Variants in RTN1 observed in about 807,000 individuals in gnomAD.
RTN1 encodes the protein reticulon-1.
In RTN1, 25 loss-of-function variants were observed where a neutral mutation model predicts 65.5. That is an observed-to-expected ratio of 0.38 (90% confidence interval 0.28 to 0.53). RTN1 has a LOEUF of 0.53. Ranked by LOEUF, RTN1 falls within the 20% of genes least tolerant of loss-of-function variation. RTN1 has a pLI of 0.79. For missense variants in RTN1, 983 were observed against 1,025.4 expected (o/e 0.96, Z 0.57); for synonymous variants, 471 against 447.6 (o/e 1.05, Z -0.66).
intron 1 of RTN1, among the ~76,000 whole-genome samples, chr14:59,761,690 C>G (rs8007076): frequency 0.46 from 70,270 of 152,026 alleles, 18,107 homozygotes; most frequent in African/African-American, 0.7. Flanking sequence ...TCAACAGAAT[C>G]TGTTTTATTA....
At chr14:59,656,331 T>C (rs1276202268) in intron 3 of RTN1, among the ~76,000 whole-genome samples, 1 of 152,192 alleles carries the variant, frequency 6.6e-6, no homozygotes, top group Admixed American at 6.5e-5. Flanking sequence ...ACTGAACTTT[T>C]AAAAGGGTAT....
At chr14:59,688,022 A>C (rs977020748) in intron 3 of RTN1, among the ~76,000 whole-genome samples, 1 of 152,038 alleles carries the variant, frequency 6.6e-6, no homozygotes, top group African/African-American at 2.4e-5. Flanking sequence ...TCTATGCCCA[A>C]GCAGATATCC....
chr14:59,738,071 T>C (rs1313723007), intron 2 of RTN1, among the ~76,000 whole-genome samples: 3 of 152,154 alleles, frequency 2.0e-5, no homozygotes, highest in Admixed American at 1.3e-4. Flanking sequence ...GAAGAAAATC[T>C]AGGCAATACC....
intron 3 of RTN1, among the ~76,000 whole-genome samples, chr14:59,671,112 T>C (rs146311943): frequency 1.4e-4 from 21 of 152,216 alleles, no homozygotes; most frequent in African/African-American, 3.9e-4. Context: ...GAAGTGTACA[T>C]AGGGAGGAGG....
Position 59,746,320 on chromosome 14 carries a change from T to C in RTN1, c.403A>G (p.Thr135Ala). ...AGCTCCTCAGGGCTCTCTGAAATGG[T>C]GACGTGGCCATTTTCCTTCTGAAGA... ...GILQKENGHV[T>A]ISESPEELGT... Residue 135 changes from threonine to alanine, a missense_variant, in exon 2 of 9, where the codon ACC (threonine) becomes GCC (alanine). By Grantham distance (58) the Thr-to-Ala change is moderately conservative. Coordinates refer to ENST00000267484, the MANE Select transcript of RTN1 (RefSeq NM_021136.3). 6.2e-7 allele frequency: 1 copy of C among 1,614,198 alleles called. No individual in the cohort carries two copies. Among genetic ancestry groups the C allele is most frequent in the Non-Finnish European group, 8.5e-7 (1 of 1,180,026 alleles).
intron 1 of RTN1, among the ~76,000 whole-genome samples, chr14:59,809,582 T>C (rs185564391): frequency 4.1e-4 from 63 of 152,236 alleles, no homozygotes; most frequent in Admixed American, 3.9e-3. Context: ...TAAAGGTAAA[T>C]AGAAGGCTAA....
chr14:59,800,787 A>T (rs1886531083), intron 1 of RTN1, among the ~76,000 whole-genome samples: 1 of 152,208 alleles, frequency 6.6e-6, no homozygotes, highest in South Asian at 2.1e-4. Context: ...GGTGACACAG[A>T]TGTCAGAAAT....
Position 59,816,017 on chromosome 14 carries a change from A to C in RTN1, c.241+54373T>G, listed in dbSNP as rs1286438319. On this transcript the variant is annotated intron_variant, in intron 1 of 8. Coordinates refer to ENST00000267484, the MANE Select transcript of RTN1 (RefSeq NM_021136.3). The surrounding 1 kb of genome is among the most constrained non-coding windows in gnomAD (Gnocchi z 4.3). Reference sequence around the variant, plus strand: ...CACCTGCTCTTCGTCCAAGATATGAAGTGCCTTCATGCAGCCTTCCTGGAT... The same window carrying C: ...CACCTGCTCTTCGTCCAAGATATGACGTGCCTTCATGCAGCCTTCCTGGAT... 6.6e-6 allele frequency among the ~76,000 whole-genome samples: 1 copy of C among 152,170 alleles called. No homozygotes were observed. Among genetic ancestry groups the C allele is most frequent in the Non-Finnish European group, 1.5e-5 (1 of 68,026 alleles).
intron 1 of RTN1, among the ~76,000 whole-genome samples, chr14:59,861,373 C>CCT (rs778289618): frequency 8.5e-5 from 13 of 152,184 alleles, no homozygotes; most frequent in Admixed American, 1.3e-4. Context: ...GATTGTGAGG[C>CCT]CTCTCCAACC....
chr14:59,629,745 T>C lies in RTN1; in HGVS notation c.1766-22253A>G, dbSNP rs1882492793. ...AGCCACACCCAGTGCTAATATGGAC[T>C]ATTCCAAAATAAATCTGTTATACCA... On this transcript the variant is annotated intron_variant, in intron 3 of 8. Transcript: ENST00000267484. 2.0e-5 allele frequency among the ~76,000 whole-genome samples: 3 copies of C among 152,204 alleles called. 1 individual carries two copies. The South Asian group carries it at 6.2e-4, about 32-fold the overall frequency.
chr14:59,750,455 A>G (rs1350133955), intron 1 of RTN1, among the ~76,000 whole-genome samples: 1 of 59,266 alleles, frequency 1.7e-5, no homozygotes, highest in African/African-American at 7.7e-5. Context: ...TATCTATAAT[A>G]TATATATCTA....
chr14:59,649,974 A>G (rs996821212), intron 3 of RTN1, among the ~76,000 whole-genome samples: 1 of 152,252 alleles, frequency 6.6e-6, no homozygotes, highest in African/African-American at 2.4e-5. Flanking sequence ...AGCATTATTT[A>G]TAATAGCAAA....
intron 1 of RTN1, among the ~76,000 whole-genome samples, chr14:59,819,425 A>ACCCCC: frequency 6.7e-5 from 1 of 14,828 alleles, no homozygotes; most frequent in African/African-American, 6.3e-4. Flanking sequence ...CCCCCCCCCC[A>ACCCCC]CCCCCCACCC....
intron 1 of RTN1, among the ~76,000 whole-genome samples, chr14:59,806,839 T>C (rs1202024655): frequency 1.3e-5 from 2 of 152,280 alleles, no homozygotes; most frequent in Admixed American, 6.5e-5. Flanking sequence ...GGTGTATATG[T>C]ACTTCATCTT....
intron 1 of RTN1, among the ~76,000 whole-genome samples, chr14:59,795,455 C>G (rs1404927508): frequency 1.3e-5 from 2 of 152,120 alleles, no homozygotes; most frequent in Non-Finnish European, 2.9e-5. Flanking sequence ...AATCCTAACA[C>G]TGCAGGAGGC....
intron 1 of RTN1, among the ~76,000 whole-genome samples, chr14:59,814,472 C>A (rs61987489): frequency 0.098 from 14,885 of 152,260 alleles, 989 homozygotes; most frequent in Middle Eastern, 0.15. Context: ...AAAGCACAGG[C>A]TCTGAAGAGA....
rs1372196355 is a variant in RTN1 at position 59,727,192 on chromosome 14, T to C, written c.1492A>G (p.Ile498Val). ...PPMKPSALDA[I>V]REETGVRAEE... ...GCCCGGACGCCAGTCTCCTCCCGGA[T>C]GGCATCCAGGGCGCTGGGCTTCATC... is the stretch of plus-strand genomic sequence containing the variant. The change falls in exon 3 of 9, where the codon ATC (isoleucine) becomes GTC (valine). Residue 498 changes from isoleucine (I) to valine (V), a missense_variant. Ile to Val is a conservative substitution (Grantham distance 29). Transcript: ENST00000267484. The surrounding 1 kb of genome is among the most constrained non-coding windows in gnomAD (Gnocchi z 4.2). The C allele has an allele frequency of 3.8e-6, 6 of 1,586,038 alleles. No homozygotes were observed. Among genetic ancestry groups the C allele is most frequent in the Non-Finnish European group, 5.1e-6 (6 of 1,166,258 alleles).
At chr14:59,653,874 A>G (rs986819569) in intron 3 of RTN1, among the ~76,000 whole-genome samples, 1 of 151,514 alleles carries the variant, frequency 6.6e-6, no homozygotes, top group African/African-American at 2.4e-5. Context: ...TATAACAAGG[A>G]AAGAGGAATT....
At chr14:59,712,819 G>A (rs1036620579) in intron 3 of RTN1, among the ~76,000 whole-genome samples, 3 of 151,448 alleles carry the variant, frequency 2.0e-5, no homozygotes, top group African/African-American at 7.3e-5. Context: ...GCTAAGGCAG[G>A]AGAACTGCTT....
Sources: gnomAD v4.1 joint callset for allele counts (sites outside exome capture counted in the v4.1 genomes callset) on GRCh38, gnomAD v4.1.1 for gene constraint, Gnocchi (gnomAD v3.1) non-coding constraint, MANE v1.5 for transcripts, NCBI Gene and HGNC (gene_info 2026-07-23, HGNC 2026-07-21) for gene names.